The following DMXL1 variants were observed in gnomAD, a reference collection of about 807,000 sequenced individuals.
The protein encoded by DMXL1 is Dmx like 1.
Under a neutral mutation model 319.2 loss-of-function variants are expected in DMXL1, and 99 were observed. The ratio of observed to expected loss-of-function variants is 0.31; its 90% confidence interval spans 0.26 to 0.37. The LOEUF is 0.37. DMXL1 is among the 10% of genes least tolerant of loss of function. The pLI is 1.00. For synonymous variants in DMXL1, 1,385 were observed against 1,235.2 expected (o/e 1.12, Z -2.54); for missense variants, 3,745 against 3,595.6 (o/e 1.04, Z -1.06).
chr5:119,115,511 T>A (rs776748597), intron 6 of DMXL1, among the ~76,000 whole-genome samples: 1 of 152,218 alleles, frequency 6.6e-6, no homozygotes, highest in African/African-American at 2.4e-5. Context: ...GAGTGTAAGT[T>A]ACTCTAAAAC....
At position 119,237,969 on chromosome 5, in the gene DMXL1, AT is replaced by A. The variant is rs552254456; in HGVS notation, c.8559+556del. On this transcript the variant is annotated intron_variant, in intron 40 of 43. Transcript: ENST00000539542. Reference sequence around the variant, plus strand: ...ATTCCTATCAGAAAAAAAGTTAAGAATATAGGTTAAGATTCTGGTAATTTGC... The same window carrying A: ...ATTCCTATCAGAAAAAAAGTTAAGAAATAGGTTAAGATTCTGGTAATTTGC... Among the ~76,000 whole-genome samples, 28 of 152,212 alleles carry A rather than the reference AT, an allele frequency of 1.8e-4. No individual in the cohort carries two copies. In the East Asian group the frequency reaches 4.6e-3, roughly 25 times the overall value.
chr5:119,242,161 T>C (rs1788947925), intron 42 of DMXL1, among the ~76,000 whole-genome samples: 1 of 152,216 alleles, frequency 6.6e-6, no homozygotes, highest in Non-Finnish European at 1.5e-5. Flanking sequence ...TGGATATTTC[T>C]TGGCTATGTG....
chr5:119,188,921 A>G (rs1217794606), intron 28 of DMXL1, among the ~76,000 whole-genome samples: 4 of 152,328 alleles, frequency 2.6e-5, no homozygotes, highest in African/African-American at 9.6e-5. Context: ...CGGAGCCATT[A>G]AAGGAGAATA....
chr5:119,204,055 C>G (rs919628821), intron 33 of DMXL1, among the ~76,000 whole-genome samples: 1 of 152,124 alleles, frequency 6.6e-6, no homozygotes, highest in Non-Finnish European at 1.5e-5. Flanking sequence ...ATCTCCTGAC[C>G]TGGTGATCCA....
chr5:119,178,513 C>A, intron 28 of DMXL1: 1 of 625,296 alleles, frequency 1.6e-6, no homozygotes, highest in Non-Finnish European at 2.0e-6. Flanking sequence ...TGTTTTGAAA[C>A]ACACTGTAAT....
At chr5:119,222,886 C>G (rs1425299607) in intron 37 of DMXL1, among the ~76,000 whole-genome samples, 2 of 151,926 alleles carry the variant, frequency 1.3e-5, no homozygotes, top group South Asian at 2.1e-4. Flanking sequence ...TTAAAATGCT[C>G]TATCCCTCTG....
At chr5:119,077,195 T>TC (rs1383615117) in intron 1 of DMXL1, among the ~76,000 whole-genome samples, 4,494 of 152,130 alleles carry the variant, frequency 0.03, 208 homozygotes, top group African/African-American at 0.1. Context: ...TCTTGTTATA[T>TC]TGCCCAGACT....
In DMXL1 at chr5:119,081,482, G is replaced by A. The variant is rs1580576338; in HGVS notation, c.87+9826G>A. ...AAACATATTTTAATGTGTAAAAACTGCTTGAGAACATACTTTGACTCAAAC... is the reference window on the plus strand; with the variant it reads ...AAACATATTTTAATGTGTAAAAACTACTTGAGAACATACTTTGACTCAAAC... On this transcript the variant is annotated intron_variant, in intron 1 of 43. Coordinates refer to ENST00000539542, the MANE Select transcript of DMXL1 (RefSeq NM_001290321.3). 8 of 776,924 alleles carry A rather than the reference G, an allele frequency of 1.0e-5. No homozygotes were observed. The Middle Eastern group carries it at 2.0e-3, about 190-fold the overall frequency. The allele number at this position is 776,924 out of a possible 1,614,324, so 48.1% of individuals were successfully genotyped here. A position where few individuals can be genotyped will look rare whatever the true frequency, so the allele number is the denominator to read the frequency against.
Position 119,165,231 on chromosome 5 carries a change from AT to A in DMXL1, c.4927del (p.Tyr1643ThrfsTer4). ...AAAGAATGATCCTTTAGATGCTGCC[AT>A]TTTTTACCTTGCAATGAAAAAGAAA... ...YRKNDPLDAA[I>X]FYLAMKKKAV... On this transcript the variant is annotated frameshift_variant, in exon 21 of 44. Coordinates refer to ENST00000539542, the MANE Select transcript of DMXL1 (RefSeq NM_001290321.3). LOFTEE classifies it high-confidence loss of function. 6.2e-7 allele frequency: 1 copy of A among 1,605,744 alleles called. No individual in the cohort carries two copies. Among genetic ancestry groups the A allele is most frequent in the Middle Eastern group, 1.7e-4 (1 of 5,852 alleles).
At chr5:119,106,336 A>G (rs1561592526) in intron 4 of DMXL1, among the ~76,000 whole-genome samples, 1 of 152,208 alleles carries the variant, frequency 6.6e-6, no homozygotes, top group Non-Finnish European at 1.5e-5. Context: ...GTTGGGAGAC[A>G]TAGACTCCCC....
intron 21 of DMXL1, among the ~76,000 whole-genome samples, chr5:119,165,626 G>C (rs190017015): frequency 6.6e-6 from 1 of 152,210 alleles, no homozygotes; most frequent in Non-Finnish European, 1.5e-5. Flanking sequence ...ACAAAAGAAA[G>C]AGGTTTATTG....
intron 1 of DMXL1, among the ~76,000 whole-genome samples, chr5:119,089,056 T>C (rs1437428540): frequency 6.6e-6 from 1 of 151,656 alleles, no homozygotes; most frequent in African/African-American, 2.4e-5. Context: ...TTTGCAAGTC[T>C]TAATGGTGGT....
At position 119,193,812 on chromosome 5, in the gene DMXL1, G is replaced by T; in HGVS notation, c.7315-16G>T. 1 of 1,608,400 alleles carries T rather than the reference G, an allele frequency of 6.2e-7. No individual in the cohort carries two copies. Among genetic ancestry groups the T allele is most frequent in the Non-Finnish European group, 8.5e-7 (1 of 1,177,606 alleles). On this transcript the variant is annotated splice_polypyrimidine_tract_variant and intron_variant, in intron 29 of 43. Transcript: ENST00000539542. ...TAGATATGTGGCTGCTAAATTTCAT[G>T]ATTTCTTTATTTTAGCCTTTTCTAC...
At position 119,133,122 on chromosome 5, in the gene DMXL1, T is replaced by C; in HGVS notation, c.1316-10T>C. On this transcript the variant is annotated splice_polypyrimidine_tract_variant and intron_variant, in intron 10 of 43. Transcript: ENST00000539542. ...GTATTTACTTGGTTCATGAACTCTTTTGCTTATAGAAACTGATGATGGTGT... is the reference window on the plus strand; with the variant it reads ...GTATTTACTTGGTTCATGAACTCTTCTGCTTATAGAAACTGATGATGGTGT... 6.2e-7 allele frequency: 1 copy of C among 1,613,458 alleles called. No homozygotes were observed. The highest frequency in any genetic ancestry group is 2.2e-5 in the East Asian group (1 of 44,856).
intron 31 of DMXL1, 23 bp from the exon 32 acceptor site, chr5:119,197,732 A>G (rs1254923559): frequency 1.2e-6 from 2 of 1,609,368 alleles, no homozygotes; most frequent in East Asian, 4.5e-5. Flanking sequence ...TAAGATTAAT[A>G]TGAGTCAATG....
intron 1 of DMXL1, among the ~76,000 whole-genome samples, chr5:119,094,849 ATCTTTTTTT>A (rs2149764544): frequency 6.6e-6 from 1 of 150,812 alleles, no homozygotes; most frequent in South Asian, 2.1e-4. Flanking sequence ...GACTTGCACA[ATCTTTTTTT>A]TTTTTTTTTT....
At position 119,189,847 on chromosome 5, in the gene DMXL1, C is replaced by T; in HGVS notation, c.7275C>T (p.Ile2425=). 6.2e-7 allele frequency: 1 copy of T among 1,613,986 alleles called. No homozygotes were observed. The highest frequency in any genetic ancestry group is 1.7e-5 in the Admixed American group (1 of 60,020). The change falls in exon 29 of 44, where the codon ATC becomes ATT. Residue 2425 remains isoleucine, a synonymous_variant. Coordinates refer to ENST00000539542, the MANE Select transcript of DMXL1 (RefSeq NM_001290321.3). ...CACTGGCGGTTAAAGAAAAGTTCATCCCACCTGAGCTCAGTATCTGGGACT... is the reference window on the plus strand; with the variant it reads ...CACTGGCGGTTAAAGAAAAGTTCATTCCACCTGAGCTCAGTATCTGGGACT... ...QESLAVKEKF[I]PPELSIWDYF...
intron 35 of DMXL1, among the ~76,000 whole-genome samples, chr5:119,220,177 A>G (rs1417960922): frequency 2.0e-5 from 3 of 152,144 alleles, no homozygotes; most frequent in Non-Finnish European, 4.4e-5. Flanking sequence ...TGAATTGTGC[A>G]TACCTTAGAG....
rs140092430 is a variant in DMXL1 at position 119,129,526 on chromosome 5, A to G, written c.1315+103A>G. On this transcript the variant is annotated intron_variant, in intron 10 of 43. Coordinates refer to ENST00000539542, the MANE Select transcript of DMXL1 (RefSeq NM_001290321.3). ...ACTTGTAATAAACTTTAAAGTTGCA[A>G]TGACATGATCCAAACATGGACTAGC... 37 of 747,588 alleles carry G rather than the reference A, an allele frequency of 4.9e-5. No individual in the cohort carries two copies. The African/African-American group carries it at 5.1e-4, about 10-fold the overall frequency. The allele number at this position is 747,588 out of a possible 1,614,324, so 46.3% of individuals were successfully genotyped here. A position where few individuals can be genotyped will look rare whatever the true frequency, so the allele number is the denominator to read the frequency against.
Sources: allele counts gnomAD v4.1 joint callset (sites outside exome capture counted in the v4.1 genomes callset), GRCh38; gene constraint gnomAD v4.1.1; transcripts MANE v1.5; gene names NCBI Gene and HGNC (gene_info 2026-07-23, HGNC 2026-07-21).